SLF2: variants seen among roughly 807,000 people sequenced by gnomAD.
SLF2 encodes the protein SMC5/6 complex localization factor 2, also known as SMC5-SMC6 complex localization factor protein 2.
A neutral mutation model predicts 124.3 loss-of-function variants in SLF2; 68 were observed. That is an observed-to-expected ratio of 0.55 (90% CI 0.45 to 0.67). The LOEUF (loss-of-function observed/expected upper bound fraction) is 0.67. Ranked by LOEUF, SLF2 falls within the 30% of genes least tolerant of loss-of-function variation. The pLI, the probability that SLF2 is intolerant of heterozygous loss-of-function variation, is 0.00. For synonymous variants in SLF2, 480 were observed against 478.8 expected (o/e 1.00, Z -0.03); for missense variants, 1,246 against 1,373.7 (o/e 0.91, Z 1.47).
At chr10:100,942,766 G>C (rs948383249) in intron 11 of SLF2, among the ~76,000 whole-genome samples, 4 of 152,192 alleles carry the variant, frequency 2.6e-5, no homozygotes, top group African/African-American at 9.7e-5. Context: ...TGATCTGCCT[G>C]CCTCAGCCTC....
intron 12 of SLF2, among the ~76,000 whole-genome samples, chr10:100,944,424 G>A (rs934808818): frequency 2.6e-5 from 4 of 151,492 alleles, no homozygotes; most frequent in African/African-American, 9.7e-5. Context: ...GAACCCAGGA[G>A]GCGGAGCTTG....
At chr10:100,925,808 AAAAT>A in intron 5 of SLF2, 137 bp from the exon 6 acceptor site, 5 of 812,074 alleles carry the variant, frequency 6.2e-6, no homozygotes, top group Non-Finnish European at 9.4e-6. Flanking sequence ...CATGATGGTG[AAAAT>A]TATCCTTTAA....
chr10:100,937,506 C>T (rs551435364), intron 10 of SLF2, 29 bp downstream of exon 10: 37 of 1,313,030 alleles, frequency 2.8e-5, no homozygotes, highest in South Asian at 2.6e-4. Flanking sequence ...TAAGATTTAC[C>T]GTGTGTATTA....
At chr10:100,933,729 G>T (rs1298759163) in intron 9 of SLF2, among the ~76,000 whole-genome samples, 1 of 152,102 alleles carries the variant, frequency 6.6e-6, no homozygotes, top group Non-Finnish European at 1.5e-5. Context: ...ACCCAGGCTG[G>T]AGTGCAGTGG....
rs990625176 is a variant in SLF2 at position 100,964,167 on chromosome 10, G to A, written c.*2255G>A. The stretch of plus-strand genomic sequence containing the variant: ...TGTCTCCCTCCTGCTGCTATTGCCC[G>A]GTGAATGGGATGGTAGAGAGGGAGA... On this transcript the variant is annotated 3_prime_UTR_variant, in exon 20 of 20. Coordinates refer to ENST00000238961, the MANE Select transcript of SLF2 (RefSeq NM_018121.4). 5 of 152,592 alleles carry A rather than the reference G, an allele frequency of 3.3e-5. No individual in the cohort carries two copies. The highest frequency in any genetic ancestry group is 4.1e-4 in the South Asian group (2 of 4,820). The allele number at this position is 152,592 out of a possible 1,614,324, so 9.5% of individuals were successfully genotyped here.
intron 13 of SLF2, among the ~76,000 whole-genome samples, chr10:100,946,325 CTTT>C (rs34242980): frequency 8.0e-6 from 1 of 124,956 alleles, no homozygotes; most frequent in Non-Finnish European, 1.7e-5. Context: ...GGGTGTTAGG[CTTT>C]TTTTTTTTTT....
intron 17 of SLF2, 69 bp downstream of exon 17, chr10:100,950,822 T>C: frequency 1.6e-6 from 2 of 1,235,872 alleles, no homozygotes; most frequent in Non-Finnish European, 2.4e-6. Flanking sequence ...TGAGTGAGCA[T>C]GCTTTATATA....
intron 5 of SLF2, among the ~76,000 whole-genome samples, chr10:100,925,694 G>C (rs1297295974): frequency 6.6e-6 from 1 of 152,192 alleles, no homozygotes; most frequent in Non-Finnish European, 1.5e-5. Flanking sequence ...GAGTCCTTGA[G>C]TGTTTGCAGT....
chr10:100,952,592 T>C (rs1357883134), intron 17 of SLF2, among the ~76,000 whole-genome samples: 1 of 150,864 alleles, frequency 6.6e-6, no homozygotes, highest in Non-Finnish European at 1.5e-5. Context: ...CTAGACATGA[T>C]AGAAAAGACA....
Position 100,950,688 on chromosome 10 carries a change from A to T in SLF2, c.3265A>T (p.Thr1089Ser), listed in dbSNP as rs770423680. Reference protein sequence around the residue: ...LELEKQAYYLTYILLHLVGEV... With the variant: ...LELEKQAYYLSYILLHLVGEV... ...ATTTCTCTAACAGGCATATTACCTG[A>T]CCTACATTCTTCTTCATTTAGTCGG... Residue 1089 changes from threonine (T) to serine (S), a missense_variant, in exon 17 of 20, where the codon ACC becomes TCC. This residue lies in a region of SLF2 where 535 missense variants were observed against 632.8 expected (regional missense o/e 0.85). Coordinates refer to ENST00000238961, the MANE Select transcript of SLF2 (RefSeq NM_018121.4). The T allele has an allele frequency of 1.2e-6, 2 of 1,613,448 alleles. No individual in the cohort carries two copies. Among genetic ancestry groups the T allele is most frequent in the Non-Finnish European group, 1.7e-6 (2 of 1,179,500 alleles).
intron 7 of SLF2, 59 bp downstream of exon 7, chr10:100,929,498 G>A: frequency 3.5e-6 from 5 of 1,444,834 alleles, no homozygotes; most frequent in Non-Finnish European, 3.7e-6. Flanking sequence ...TTTTAGTTTT[G>A]TTTTTGTAAA....
Position 100,924,953 on chromosome 10 carries a change from C to T in SLF2, c.1952C>T (p.Ser651Phe), listed in dbSNP as rs779981337. ...CCTGCTCTTTCCAAGGGGCTTAGATCTCAGTCATCAGACTATACAGTAAGT... is the reference window on the plus strand; with the variant it reads ...CCTGCTCTTTCCAAGGGGCTTAGATTTCAGTCATCAGACTATACAGTAAGT... Reference protein sequence around the residue: ...KPPALSKGLRSQSSDYTGHVH... With the variant: ...KPPALSKGLRFQSSDYTGHVH... Residue 651 changes from serine (S) to phenylalanine (F), a missense_variant, in exon 5 of 20, where the codon TCT becomes TTT. Transcript: ENST00000238961. The T allele has an allele frequency of 1.9e-6, 3 of 1,613,166 alleles. No homozygotes were observed.
At chr10:100,923,861 C>T (rs997207751) in intron 4 of SLF2, 114 bp from the exon 5 acceptor site, 9 of 787,884 alleles carry the variant, frequency 1.1e-5, no homozygotes, top group East Asian at 3.0e-5. Flanking sequence ...TGACTAATCT[C>T]AGCCTTAATA....
chr10:100,946,325 C>CTTTTTT (rs34242980), intron 13 of SLF2, among the ~76,000 whole-genome samples: 4 of 124,964 alleles, frequency 3.2e-5, no homozygotes, highest in Non-Finnish European at 5.1e-5. Flanking sequence ...GGGTGTTAGG[C>CTTTTTT]TTTTTTTTTT....
In SLF2 at chr10:100,916,945, A is replaced by T. The variant is rs755631382; in HGVS notation, c.560A>T (p.Asp187Val). 6.2e-7 allele frequency: 1 copy of T among 1,614,236 alleles called. No homozygotes were observed. The highest frequency in any genetic ancestry group is 1.1e-5 in the South Asian group (1 of 91,084). Reference sequence around the variant, plus strand: ...ATTCATGAAAATAATGAGAAGAATGATAGAGATCGAGGCAAAACCAATGCA... The same window carrying T: ...ATTCATGAAAATAATGAGAAGAATGTTAGAGATCGAGGCAAAACCAATGCA... ...LFIHENNEKNDRDRGKTNADS... is the reference protein window; with the variant it reads ...LFIHENNEKNVRDRGKTNADS... The change falls in exon 3 of 20, where the codon GAT (aspartate) becomes GTT (valine). Residue 187 changes from aspartate to valine, a missense_variant. By Grantham distance (152) the Asp-to-Val change is radical. Coordinates refer to ENST00000238961, the MANE Select transcript of SLF2 (RefSeq NM_018121.4).
At chr10:100,947,210 T>C (rs945976003) in intron 14 of SLF2, 74 bp downstream of exon 14, 7 of 856,872 alleles carry the variant, frequency 8.2e-6, no homozygotes, top group Non-Finnish European at 1.2e-5. Flanking sequence ...GGTTGTTTAT[T>C]TCCATTCATC....
chr10:100,945,563 A>G (rs1850089147), intron 13 of SLF2, 57 bp downstream of exon 13: 1 of 1,314,072 alleles, frequency 7.6e-7, no homozygotes. Flanking sequence ...AATTTGACTC[A>G]TAGTGCATAT....
intron 15 of SLF2, among the ~76,000 whole-genome samples, chr10:100,949,687 G>A (rs902160804): frequency 6.6e-6 from 1 of 151,068 alleles, no homozygotes. Flanking sequence ...CCTCCACCCC[G>A]CATATTCAAG....
chr10:100,953,882 C>T (rs952588124), intron 17 of SLF2, among the ~76,000 whole-genome samples: 1 of 151,908 alleles, frequency 6.6e-6, no homozygotes, highest in African/African-American at 2.4e-5. Context: ...GAACTCCTGA[C>T]CTCAAGTGAT....
Sources: gnomAD v4.1 joint callset for allele counts (sites outside exome capture counted in the v4.1 genomes callset) on GRCh38, gnomAD v4.1.1 for gene constraint, gnomAD v4.1.1 regional missense constraint, MANE v1.5 for transcripts, NCBI Gene and HGNC (gene_info 2026-07-23, HGNC 2026-07-21) for gene names.